AOPEP: variants seen among roughly 807,000 people sequenced by gnomAD.
AOPEP encodes the protein aminopeptidase O (putative).
A neutral mutation model predicts 98.1 loss-of-function variants in AOPEP; 77 were observed. The observed-to-expected ratio is 0.78, with a 90% confidence interval of 0.65 to 0.95. The LOEUF (loss-of-function observed/expected upper bound fraction) is 0.95, where lower values mean the gene tolerates loss of function less well. Ranked by LOEUF, AOPEP falls within the 40% of genes least tolerant of loss-of-function variation. AOPEP has a pLI of 0.00. For synonymous variants in AOPEP, 346 were observed against 365.3 expected (o/e 0.95, Z 0.60); for missense variants, 1,024 against 1,024.7 (o/e 1.00, Z 0.01).
chr9:94,879,559 C>T (rs1036755110), intron 5 of AOPEP, among the ~76,000 whole-genome samples: 1 of 152,162 alleles, frequency 6.6e-6, no homozygotes, highest in South Asian at 2.1e-4. Flanking sequence ...CAGGAATACC[C>T]CATAAAGGAA....
intron 5 of AOPEP, among the ~76,000 whole-genome samples, chr9:94,847,212 C>A (rs1309093948): frequency 6.6e-6 from 1 of 152,026 alleles, no homozygotes; most frequent in African/African-American, 2.4e-5. Flanking sequence ...TCCACACATC[C>A]CCACCCTCCC....
At chr9:94,791,798 T>C (rs896982379) in intron 3 of AOPEP, among the ~76,000 whole-genome samples, 1 of 152,108 alleles carries the variant, frequency 6.6e-6, no homozygotes, top group Non-Finnish European at 1.5e-5. Context: ...AAGTTTGTTA[T>C]ACAAACTTGC....
At chr9:94,851,363 A>C (rs778181045) in intron 5 of AOPEP, among the ~76,000 whole-genome samples, 1 of 152,188 alleles carries the variant, frequency 6.6e-6, no homozygotes, top group Non-Finnish European at 1.5e-5. Context: ...CATGGCATTT[A>C]AAAGAGTGGG....
intron 13 of AOPEP, among the ~76,000 whole-genome samples, chr9:95,046,373 A>G (rs1442467789): frequency 6.6e-6 from 1 of 152,216 alleles, no homozygotes; most frequent in Non-Finnish European, 1.5e-5. Flanking sequence ...AGGTACCTGA[A>G]GTGGAGATTT....
intron 9 of AOPEP, 75 bp downstream of exon 9, chr9:94,956,090 G>C: frequency 1.2e-6 from 1 of 817,006 alleles, no homozygotes; most frequent in Non-Finnish European, 2.0e-6. Flanking sequence ...GATTATGCCA[G>C]TATTAAAGAG....
chr9:94,749,868 G>T (rs1281566865), intron 1 of AOPEP, among the ~76,000 whole-genome samples: 1 of 152,000 alleles, frequency 6.6e-6, no homozygotes, highest in Non-Finnish European at 1.5e-5. Flanking sequence ...TCTACTAATT[G>T]CTTTTTCTTT....
chr9:95,124,140 C>T, the AOPEP span, among the ~76,000 whole-genome samples: 1 of 140,202 alleles, frequency 7.1e-6, no homozygotes, highest in Non-Finnish European at 1.5e-5. Flanking sequence ...GTAGAAATAT[C>T]GGCTAAAACC....
chr9:94,841,376 GT>G (rs1363325915), intron 5 of AOPEP, among the ~76,000 whole-genome samples: 1 of 152,108 alleles, frequency 6.6e-6, no homozygotes, highest in Non-Finnish European at 1.5e-5. Context: ...GTTTCACCGT[GT>G]TATCCAGGCT....
chr9:94,889,920 A>G (rs1312843066), intron 5 of AOPEP, among the ~76,000 whole-genome samples: 3 of 152,170 alleles, frequency 2.0e-5, no homozygotes, highest in African/African-American at 7.2e-5. Flanking sequence ...ACATTTCTAT[A>G]ATGGCTAATT....
intron 11 of AOPEP, among the ~76,000 whole-genome samples, chr9:94,999,411 T>C (rs1288792320): frequency 1.3e-5 from 2 of 152,178 alleles, no homozygotes; most frequent in South Asian, 2.1e-4. Context: ...AAGGGATAAA[T>C]TGCAATATTC....
chr9:95,037,883 G>A (rs1164428668), intron 13 of AOPEP, among the ~76,000 whole-genome samples: 2 of 152,164 alleles, frequency 1.3e-5, no homozygotes, highest in South Asian at 4.1e-4. Flanking sequence ...GATCTTGACC[G>A]GCTTTCTGCC....
rs572476323 is a variant in AOPEP, at chr9:95,029,498, C to T, written c.2115+23882C>T. 6.4e-4 allele frequency among the ~76,000 whole-genome samples: 98 copies of T among 152,256 alleles called. No individual in the cohort carries two copies. The South Asian group carries it at 0.02, about 31-fold the overall frequency. ...TTTTTTGTGTGCTGCGTGTCACCCT[C>T]CTGGGCCCTCACACCTGCCATCCAT... is the stretch of plus-strand genomic sequence containing the variant. On this transcript the variant is annotated intron_variant, in intron 13 of 16. Transcript: ENST00000375315.
chr9:95,009,505 A>G (rs1364723045), intron 13 of AOPEP, among the ~76,000 whole-genome samples: 1 of 152,198 alleles, frequency 6.6e-6, no homozygotes, highest in Non-Finnish European at 1.5e-5. Context: ...TACAGTGCTC[A>G]TTTCAGGTCT....
intron 13 of AOPEP, among the ~76,000 whole-genome samples, chr9:95,013,944 C>G (rs547280944): frequency 6.6e-6 from 1 of 152,224 alleles, no homozygotes; most frequent in South Asian, 2.1e-4. Flanking sequence ...TTGTGGGTTA[C>G]TTTTCCTGGT....
chr9:95,104,997 C>T, the AOPEP span, among the ~76,000 whole-genome samples: 149 of 152,306 alleles, frequency 9.8e-4, no homozygotes, highest in African/African-American at 3.3e-3. Flanking sequence ...TAGGTTGGGC[C>T]GCATTGTTGC....
intron 5 of AOPEP, among the ~76,000 whole-genome samples, chr9:94,848,031 A>G (rs1243945109): frequency 1.3e-5 from 2 of 152,176 alleles, no homozygotes; most frequent in African/African-American, 4.8e-5. Flanking sequence ...TACAATCTAA[A>G]GTGGGGATTA....
intron 5 of AOPEP, among the ~76,000 whole-genome samples, chr9:94,889,242 C>A (rs2048602194): frequency 6.6e-6 from 1 of 152,194 alleles, no homozygotes. Flanking sequence ...GATCCACCCG[C>A]CTTGGCCTCC....
chr9:94,838,475 C>G (rs1283767034), intron 5 of AOPEP, among the ~76,000 whole-genome samples: 1 of 152,198 alleles, frequency 6.6e-6, no homozygotes, highest in African/African-American at 2.4e-5. Flanking sequence ...AATAACACAT[C>G]TGATTTGATC....
chr9:94,728,239 G>GCGCGCGCGCGCGCGCGCGCACACACACA (rs113657409), intron 1 of AOPEP, among the ~76,000 whole-genome samples: 2 of 146,512 alleles, frequency 1.4e-5, no homozygotes, highest in East Asian at 2.0e-4. Flanking sequence ...GTGCGCGCAT[G>GCGCGCGCGCGCGCGCGCGCACACACACA]CACACACACA....
Sources: gnomAD v4.1 joint callset for allele counts (sites outside exome capture counted in the v4.1 genomes callset) on GRCh38, gnomAD v4.1.1 for gene constraint, MANE v1.5 for transcripts, NCBI Gene and HGNC (gene_info 2026-07-23, HGNC 2026-07-21) for gene names.